The following DOCK9 variants were observed in gnomAD, a reference collection of about 807,000 sequenced individuals.
DOCK9 encodes the protein dedicator of cytokinesis 9, also known as dedicator of cytokinesis protein 9.
DOCK9 carries 89 observed loss-of-function variants against 263.3 expected under a neutral mutation model. That is an observed-to-expected ratio of 0.34 (90% CI 0.28 to 0.40). The LOEUF is 0.40. Among genes scored for constraint, DOCK9 ranks in the 10% least tolerant of loss-of-function variants. The pLI is 1.00. For missense variants in DOCK9, 2,140 were observed against 2,603.4 expected (o/e 0.82, Z 3.87); for synonymous variants, 976 against 973.1 (o/e 1.00, Z -0.06).
At chr13:99,079,736 A>G (rs1427715135) in intron 1 of DOCK9, among the ~76,000 whole-genome samples, 1 of 152,224 alleles carries the variant, frequency 6.6e-6, no homozygotes, top group Admixed American at 6.5e-5. Context: ...CTGAAATTTC[A>G]TACTTCAAAA....
At chr13:98,884,617 C>T (rs1431732527) in intron 21 of DOCK9, among the ~76,000 whole-genome samples, 1 of 152,226 alleles carries the variant, frequency 6.6e-6, no homozygotes, top group African/African-American at 2.4e-5. Flanking sequence ...ACTTGACTTA[C>T]TTTAAGCTGG....
intron 1 of DOCK9, among the ~76,000 whole-genome samples, chr13:99,010,779 G>A (rs1227165103): frequency 6.6e-6 from 1 of 152,196 alleles, no homozygotes; most frequent in Non-Finnish European, 1.5e-5. Flanking sequence ...ATTCCAGTAG[G>A]AGCCTGAACA....
chr13:98,849,577 C>T (rs760123063), intron 36 of DOCK9, among the ~76,000 whole-genome samples: 42 of 152,000 alleles, frequency 2.8e-4, no homozygotes, highest in Admixed American at 1.5e-3. Context: ...TGTAAATTCA[C>T]GTTTCTAAAA....
chr13:98,931,631 T>C (rs2053953115), intron 2 of DOCK9, among the ~76,000 whole-genome samples: 1 of 152,056 alleles, frequency 6.6e-6, no homozygotes, highest in African/African-American at 2.4e-5. Context: ...GGAGTCTCTC[T>C]CTGTCACCCA....
At chr13:98,867,365 T>C in intron 30 of DOCK9, 60 bp downstream of exon 30, 1 of 957,372 alleles carries the variant, frequency 1.0e-6, no homozygotes, top group Admixed American at 2.4e-5. Context: ...AATTATCTTT[T>C]CTTATTGAAA....
chr13:98,847,918 C>T (rs1015790584), intron 37 of DOCK9, among the ~76,000 whole-genome samples: 8 of 152,106 alleles, frequency 5.3e-5, no homozygotes, highest in Admixed American at 1.3e-4. Flanking sequence ...AGAGGTGCTG[C>T]GAAGAAACGC....
At position 98,920,949 on chromosome 13, in the gene DOCK9, T is replaced by C. The variant is rs1160907261; in HGVS notation, c.717+5A>G. ...ACATAATGGTAAAACTCTTTTCATA[T>C]TTACCTGAACGACACCCATACAGGA... On this transcript the variant is annotated splice_donor_5th_base_variant and intron_variant, in intron 7 of 52. Transcript: ENST00000682017. 6.3e-7 allele frequency: 1 copy of C among 1,593,786 alleles called. No individual in the cohort carries two copies. The highest frequency in any genetic ancestry group is 8.5e-7 in the Non-Finnish European group (1 of 1,171,430).
At chr13:98,901,559 C>T (rs2048282123) in intron 13 of DOCK9, among the ~76,000 whole-genome samples, 1 of 152,184 alleles carries the variant, frequency 6.6e-6, no homozygotes, top group Non-Finnish European at 1.5e-5. Context: ...TTTAGGATGT[C>T]AGAACTGTCT....
chr13:99,002,383 C>G (rs9557115), intron 1 of DOCK9, among the ~76,000 whole-genome samples: 32,017 of 152,118 alleles, frequency 0.21, 3,944 homozygotes, highest in East Asian at 0.43. Flanking sequence ...ATTCCAAAGG[C>G]TGAGCTTCTC....
intron 52 of DOCK9, among the ~76,000 whole-genome samples, chr13:98,795,967 C>T (rs1594064834): frequency 6.6e-6 from 1 of 152,122 alleles, no homozygotes; most frequent in South Asian, 2.1e-4. Flanking sequence ...CCATGTTGGC[C>T]AGGCTGGTCT....
At chr13:98,993,797 A>G (rs1880375695) in intron 1 of DOCK9, among the ~76,000 whole-genome samples, 1 of 152,020 alleles carries the variant, frequency 6.6e-6, no homozygotes, top group Admixed American at 6.5e-5. Flanking sequence ...ATAATAAATA[A>G]AAGTTTTGGT....
chr13:98,839,795 T>C (rs2093143081), intron 38 of DOCK9, among the ~76,000 whole-genome samples: 1 of 152,260 alleles, frequency 6.6e-6, no homozygotes, highest in African/African-American at 2.4e-5. Context: ...TGGACTATGC[T>C]AATTAAGTTA....
chr13:98,846,105 TAC>T, intron 37 of DOCK9, 45 bp from the exon 38 acceptor site: 1 of 1,546,860 alleles, frequency 6.5e-7, no homozygotes. Context: ...TTAGACGTGT[TAC>T]ACTGCAGCGA....
rs1423111166 is a variant in DOCK9 at position 98,923,346 on chromosome 13, G to C, written c.442C>G (p.Pro148Ala). The C allele has an allele frequency of 6.2e-7, 1 of 1,613,860 alleles. No homozygotes were observed. The highest frequency in any genetic ancestry group is 8.5e-7 in the Non-Finnish European group (1 of 1,179,812). The change falls in exon 5 of 53, where the codon CCA becomes GCA. Residue 148 changes from proline (P) to alanine (A), a missense_variant. Pro to Ala is a conservative substitution (Grantham distance 27). Around this residue, in one of 2 missense-constraint regions of DOCK9, gnomAD observed 1,521 missense variants for 1,741.7 expected, o/e 0.87. Transcript: ENST00000682017. ...PNKVVKLDKLPVHVYEVDEEV... is the reference protein window; with the variant it reads ...PNKVVKLDKLAVHVYEVDEEV... The stretch of plus-strand genomic sequence containing the variant: ...TCGTCAACTTCATAGACATGAACTG[G>C]AAGTTTATCCAACTTGACCACTTTG...
chr13:99,021,586 C>CTA (rs1396824149), intron 1 of DOCK9, among the ~76,000 whole-genome samples: 4 of 148,630 alleles, frequency 2.7e-5, no homozygotes, highest in Non-Finnish European at 4.4e-5. Flanking sequence ...TTGCAGTGAG[C>CTA]CGAGATCGCG....
At chr13:98,925,269 T>C (rs975512943) in intron 4 of DOCK9, among the ~76,000 whole-genome samples, 1 of 152,176 alleles carries the variant, frequency 6.6e-6, no homozygotes, top group South Asian at 2.1e-4. Context: ...TTATAAAAGA[T>C]AGTCTGTCAA....
chr13:99,077,608 G>A (rs1400740160), intron 1 of DOCK9, among the ~76,000 whole-genome samples: 1 of 152,134 alleles, frequency 6.6e-6, no homozygotes, highest in Non-Finnish European at 1.5e-5. Flanking sequence ...CCCTACTACT[G>A]CACAGACCAG....
chr13:98,923,475 A>G (rs1042933617), intron 4 of DOCK9, 104 bp from the exon 5 acceptor site: 4 of 902,090 alleles, frequency 4.4e-6, no homozygotes, highest in African/African-American at 3.3e-5. Context: ...AAATCCAAAG[A>G]TGGCCCAGCT....
intron 1 of DOCK9, among the ~76,000 whole-genome samples, chr13:99,066,042 C>G (rs2142329564): frequency 6.6e-6 from 1 of 152,136 alleles, no homozygotes; most frequent in South Asian, 2.1e-4. Flanking sequence ...ATTTCTTTAC[C>G]CAGGAGATTA....
Sources: allele counts gnomAD v4.1 joint callset (sites outside exome capture counted in the v4.1 genomes callset), GRCh38; gene constraint gnomAD v4.1.1; regional missense constraint gnomAD v4.1.1; transcripts MANE v1.5; gene names NCBI Gene and HGNC (gene_info 2026-07-23, HGNC 2026-07-21).